BBS9: variants seen among roughly 807,000 people sequenced by gnomAD.
BBS9 encodes the protein protein PTHB1.
BBS9 carries 89 observed loss-of-function variants against 117.7 expected under a neutral mutation model. The observed-to-expected ratio is 0.76, with a 90% CI of 0.64 to 0.90. BBS9 has a LOEUF of 0.90. Among genes scored for constraint, BBS9 ranks in the 40% least tolerant of loss-of-function variants. The pLI is 0.00. For missense variants in BBS9, 982 were observed against 1,042.2 expected (o/e 0.94, Z 0.80); for synonymous variants, 379 against 370.9 (o/e 1.02, Z -0.25).
At chr7:33,566,306 AAT>A (rs34756234) in intron 21 of BBS9, among the ~76,000 whole-genome samples, 19,694 of 128,506 alleles carry the variant, frequency 0.15, 1,620 homozygotes, top group African/African-American at 0.25. Flanking sequence ...ATATGCATGT[AAT>A]ATATATATAT....
intron 1 of BBS9, among the ~76,000 whole-genome samples, chr7:33,131,357 T>C (rs776989280): frequency 2.6e-5 from 4 of 152,212 alleles, no homozygotes; most frequent in Non-Finnish European, 5.9e-5. Context: ...GATCATGTAG[T>C]GTAACGTGGT....
chr7:33,468,108 T>C (rs890071715), intron 19 of BBS9, among the ~76,000 whole-genome samples: 2 of 152,108 alleles, frequency 1.3e-5, no homozygotes, highest in Admixed American at 6.6e-5. Flanking sequence ...TTTACTCTAG[T>C]GTTCTAGAAA....
At chr7:33,450,673 T>C (rs1584877023) in intron 19 of BBS9, among the ~76,000 whole-genome samples, 1 of 152,206 alleles carries the variant, frequency 6.6e-6, no homozygotes, top group Non-Finnish European at 1.5e-5. Context: ...CATGTTTTCT[T>C]TGGAGAAATC....
At chr7:33,506,032 G>C (rs1846108686) in intron 20 of BBS9, among the ~76,000 whole-genome samples, 2 of 152,176 alleles carry the variant, frequency 1.3e-5, no homozygotes, top group Non-Finnish European at 2.9e-5. Flanking sequence ...AAATTTAAGT[G>C]TCACTTCAAA....
At chr7:33,355,817 G>A (rs947737051) in intron 15 of BBS9, among the ~76,000 whole-genome samples, 1 of 151,850 alleles carries the variant, frequency 6.6e-6, no homozygotes, top group Non-Finnish European at 1.5e-5. Flanking sequence ...CTGGGTTCGT[G>A]GAGATGTAGG....
At chr7:33,491,125 A>G (rs528762042) in intron 19 of BBS9, among the ~76,000 whole-genome samples, 2 of 152,320 alleles carry the variant, frequency 1.3e-5, no homozygotes, top group African/African-American at 4.8e-5. Flanking sequence ...AGAATGCCCC[A>G]CAAGGGGTAG....
chr7:33,462,882 A>G (rs1381908852), intron 19 of BBS9, among the ~76,000 whole-genome samples: 1 of 152,086 alleles, frequency 6.6e-6, no homozygotes, highest in Non-Finnish European at 1.5e-5. Context: ...CCACTTTTTA[A>G]AAAATGGATA....
intron 21 of BBS9, among the ~76,000 whole-genome samples, chr7:33,557,600 G>A (rs1292180068): frequency 6.6e-6 from 1 of 152,198 alleles, no homozygotes; most frequent in Non-Finnish European, 1.5e-5. Flanking sequence ...CATGCCAGCT[G>A]ATGAGGGGTA....
At chr7:33,172,416 C>T (rs1796728895) in intron 4 of BBS9, among the ~76,000 whole-genome samples, 1 of 151,312 alleles carries the variant, frequency 6.6e-6, no homozygotes, top group Non-Finnish European at 1.5e-5. Flanking sequence ...ATGAAAAGAA[C>T]ACGACTCTAG....
chr7:33,593,886 C>T lies in BBS9; in HGVS notation c.2522-10979C>T, dbSNP rs577999681. 7.9e-5 allele frequency among the ~76,000 whole-genome samples: 12 copies of T among 152,228 alleles called. No individual in the cohort carries two copies. The East Asian group carries it at 2.3e-3, about 29-fold the overall frequency. ...CTTTTTTGTAAATAGAACTCTTTTT[C>T]TGCTTAGTACATTGTGTTTACATAA... On this transcript the variant is annotated intron_variant, in intron 21 of 22. Coordinates refer to ENST00000242067, the MANE Select transcript of BBS9 (RefSeq NM_198428.3).
At chr7:33,162,110 T>G (rs897029194) in intron 4 of BBS9, among the ~76,000 whole-genome samples, 2 of 151,968 alleles carry the variant, frequency 1.3e-5, no homozygotes, top group Non-Finnish European at 2.9e-5. Flanking sequence ...TTTTTGCTCA[T>G]GAAGTCCTTG....
intron 19 of BBS9, among the ~76,000 whole-genome samples, chr7:33,422,636 G>GA (rs1294427552): frequency 1.3e-5 from 2 of 152,082 alleles, no homozygotes; most frequent in Non-Finnish European, 2.9e-5. Context: ...TTTATAATGT[G>GA]ATAATTTAAG....
intron 21 of BBS9, among the ~76,000 whole-genome samples, chr7:33,562,556 A>G (rs1856243772): frequency 6.6e-6 from 1 of 152,154 alleles, no homozygotes; most frequent in Non-Finnish European, 1.5e-5. Context: ...CAAATCCTAA[A>G]CTGAACTTGA....
chr7:33,553,413 C>A (rs562666843), intron 21 of BBS9, among the ~76,000 whole-genome samples: 2 of 152,152 alleles, frequency 1.3e-5, no homozygotes, highest in South Asian at 4.1e-4. Context: ...CCTCAGGGAC[C>A]TTGTGGCCTC....
intron 17 of BBS9, among the ~76,000 whole-genome samples, chr7:33,369,980 A>T (rs1256594168): frequency 1.3e-5 from 2 of 152,154 alleles, no homozygotes; most frequent in Non-Finnish European, 2.9e-5. Flanking sequence ...CCGTGTATTC[A>T]TCTCTTTTTA....
chr7:33,335,859 G>A (rs1350392984), intron 9 of BBS9, among the ~76,000 whole-genome samples: 1 of 152,158 alleles, frequency 6.6e-6, no homozygotes, highest in African/African-American at 2.4e-5. Flanking sequence ...TGTGATGGGA[G>A]GACCTGGGAA....
chr7:33,496,363 G>A (rs974766931), intron 19 of BBS9, among the ~76,000 whole-genome samples: 1 of 152,094 alleles, frequency 6.6e-6, no homozygotes, highest in African/African-American at 2.4e-5. Flanking sequence ...AAATTAGCTA[G>A]GCGTGGTGGT....
chr7:33,350,272 C>A (rs1221888369), intron 13 of BBS9, among the ~76,000 whole-genome samples: 1 of 152,070 alleles, frequency 6.6e-6, no homozygotes, highest in African/African-American at 2.4e-5. Context: ...TGAGTGCCTG[C>A]CGTTAGTAGG....
At chr7:33,304,672 A>G (rs1807481639) in intron 9 of BBS9, among the ~76,000 whole-genome samples, 1 of 152,176 alleles carries the variant, frequency 6.6e-6, no homozygotes. Context: ...GGCCATGATG[A>G]CGATGGCGGT....
Sources: allele counts gnomAD v4.1 joint callset (sites outside exome capture counted in the v4.1 genomes callset), GRCh38; gene constraint gnomAD v4.1.1; transcripts MANE v1.5; gene names NCBI Gene and HGNC (gene_info 2026-07-23, HGNC 2026-07-21).